The following SCNN1B variants were observed in gnomAD, a reference collection of about 807,000 sequenced individuals.
SCNN1B encodes sodium channel epithelial 1 subunit beta.
In SCNN1B, 46 loss-of-function variants were observed where a neutral mutation model predicts 65.3. That is an observed-to-expected ratio of 0.70 (90% CI 0.56 to 0.90). The LOEUF (loss-of-function observed/expected upper bound fraction) is 0.90. Among genes scored for constraint, SCNN1B ranks in the 40% least tolerant of loss-of-function variants. The probability of loss-of-function intolerance (pLI) is 0.00; values close to 1 mark genes in which losing one functional copy is unlikely to be tolerated. For synonymous variants in SCNN1B, 349 were observed against 330.6 expected (o/e 1.06, Z -0.60); for missense variants, 751 against 830.5 (o/e 0.90, Z 1.18).
intron 1 of SCNN1B, among the ~76,000 whole-genome samples, chr16:23,346,803 G>A (rs780103019): frequency 6.6e-6 from 1 of 151,422 alleles, no homozygotes; most frequent in African/African-American, 2.4e-5. Flanking sequence ...ACCTGGCCAG[G>A]CCTCCGTTTT....
intron 4 of SCNN1B, 117 bp from the exon 5 acceptor site, chr16:23,367,739 G>C: frequency 4.9e-6 from 4 of 818,474 alleles, no homozygotes; most frequent in Non-Finnish European, 6.4e-6. Flanking sequence ...ATGACCTGTT[G>C]CTCGCCTCTC....
chr16:23,369,487 G>T (rs1230042266), intron 5 of SCNN1B, among the ~76,000 whole-genome samples: 2 of 152,118 alleles, frequency 1.3e-5, no homozygotes, highest in Non-Finnish European at 2.9e-5. Flanking sequence ...CTCCCTCGGG[G>T]CTCATGTGTT....
intron 2 of SCNN1B, among the ~76,000 whole-genome samples, chr16:23,349,708 C>G (rs1962268141): frequency 6.6e-6 from 1 of 152,156 alleles, no homozygotes; most frequent in African/African-American, 2.4e-5. Flanking sequence ...GTTAACAAAA[C>G]AGAGTCCCTG....
At chr16:23,324,739 G>C (rs1354203350) in intron 1 of SCNN1B, among the ~76,000 whole-genome samples, 2 of 152,174 alleles carry the variant, frequency 1.3e-5, no homozygotes, top group African/African-American at 4.8e-5. Flanking sequence ...AGGCTTGGCA[G>C]AAACTACCCT....
chr16:23,288,092 G>A (rs1032911678), intron 2 of SCNN1B, among the ~76,000 whole-genome samples: 1 of 152,062 alleles, frequency 6.6e-6, no homozygotes, highest in African/African-American at 2.4e-5. Context: ...GGTTGAGGCT[G>A]CAGTGAGCTG....
intron 1 of SCNN1B, among the ~76,000 whole-genome samples, chr16:23,309,225 A>G (rs1961286351): frequency 6.6e-6 from 1 of 152,102 alleles, no homozygotes; most frequent in Non-Finnish European, 1.5e-5. Context: ...CTATACTTAC[A>G]GCTTCCAGTC....
chr16:23,288,730 G>A (rs1342243330), intron 2 of SCNN1B, among the ~76,000 whole-genome samples: 1 of 152,182 alleles, frequency 6.6e-6, no homozygotes, highest in East Asian at 1.9e-4. Flanking sequence ...GATTGCTTGA[G>A]ATGGGGAGGT....
chr16:23,352,093 T>G (rs560979061), intron 2 of SCNN1B, among the ~76,000 whole-genome samples: 1 of 152,312 alleles, frequency 6.6e-6, no homozygotes, highest in South Asian at 2.1e-4. Flanking sequence ...AAGCTATCAA[T>G]AACCATGAGC....
intron 1 of SCNN1B, among the ~76,000 whole-genome samples, chr16:23,334,945 C>A (rs552087041): frequency 6.6e-6 from 1 of 152,354 alleles, no homozygotes; most frequent in Admixed American, 6.5e-5. Flanking sequence ...ACAGTTTAAT[C>A]TTTGCAAATC....
At position 23,353,199 on chromosome 16, in the gene SCNN1B, G is replaced by A. The variant is rs1409243761; in HGVS notation, c.585+125G>A. Reference sequence around the variant, plus strand: ...CAAGATGGAAGCCAGAGCCTGTTTTGCTTGTTTGCAGAGATTTTTTAAAAA... The same window carrying A: ...CAAGATGGAAGCCAGAGCCTGTTTTACTTGTTTGCAGAGATTTTTTAAAAA... On this transcript the variant is annotated intron_variant, in intron 3 of 12. Transcript: ENST00000343070. 1.7e-4 allele frequency: 202 copies of A among 1,191,750 alleles called. 2 individuals carry two copies. In the South Asian group the frequency reaches 2.0e-3, roughly 12 times the overall value. The allele number at this position is 1,191,750 out of a possible 1,614,324, so 73.8% of individuals were successfully genotyped here.
chr16:23,365,595 A>G (rs867982867), intron 4 of SCNN1B, among the ~76,000 whole-genome samples: 23 of 58,464 alleles, frequency 3.9e-4, no homozygotes, highest in African/African-American at 5.6e-4. Context: ...AAGAGAAAGA[A>G]AGAAAGAAAG....
At chr16:23,316,277 ATCACCACCATCACCATCC>A (rs1407447184) in intron 1 of SCNN1B, among the ~76,000 whole-genome samples, 290 of 150,416 alleles carry the variant, frequency 1.9e-3, no homozygotes, top group African/African-American at 7.0e-3. Flanking sequence ...CATCTTCACC[ATCACCACCATCACCATCC>A]TCACCACCAT....
intron 1 of SCNN1B, among the ~76,000 whole-genome samples, chr16:23,324,415 C>T (rs558936261): frequency 1.3e-4 from 20 of 152,168 alleles, no homozygotes; most frequent in African/African-American, 4.8e-4. Flanking sequence ...ATTGCCCAGG[C>T]TGGTCTGGAA....
chr16:23,347,046 A>G (rs988643285), intron 1 of SCNN1B, among the ~76,000 whole-genome samples: 1 of 152,138 alleles, frequency 6.6e-6, no homozygotes, highest in African/African-American at 2.4e-5. Flanking sequence ...GCAGTGAGCC[A>G]TGATCATGCC....
chr16:23,380,958 C>A lies in SCNN1B; in HGVS notation c.*157C>A, dbSNP rs181213527. The A allele has an allele frequency of 1.3e-6, 1 of 787,132 alleles. No individual in the cohort carries two copies. The highest frequency in any genetic ancestry group is 2.2e-6 in the Non-Finnish European group (1 of 449,886). The allele number at this position is 787,132 out of a possible 1,614,324, so 48.8% of individuals were successfully genotyped here. The stretch of plus-strand genomic sequence containing the variant: ...ACAGAGAGGCCAGCGGCAACTGGTC[C>A]GTTACTGGCCAAGGGCTCTGTAGAA... On this transcript the variant is annotated 3_prime_UTR_variant, in exon 13 of 13. Coordinates refer to ENST00000343070, the MANE Select transcript of SCNN1B (RefSeq NM_000336.3). This position sits in a 1 kb window ranked among gnomAD's most constrained non-coding sequence, Gnocchi z 5.4.
At chr16:23,280,141 C>T (rs138650697) in intron 1 of SCNN1B, among the ~76,000 whole-genome samples, 22 of 152,272 alleles carry the variant, frequency 1.4e-4, no homozygotes, top group Middle Eastern at 3.4e-3. Flanking sequence ...CCCAGCACTC[C>T]GCCAGGGGCT....
intron 1 of SCNN1B, among the ~76,000 whole-genome samples, chr16:23,324,204 T>C (rs913903852): frequency 3.3e-5 from 5 of 151,710 alleles, no homozygotes; most frequent in African/African-American, 1.2e-4. Context: ...TTTTTTTTTT[T>C]TGAGACAGGG....
chr16:23,375,108 G>A (rs1240817172), intron 7 of SCNN1B, among the ~76,000 whole-genome samples: 1 of 152,130 alleles, frequency 6.6e-6, no homozygotes, highest in South Asian at 2.1e-4. Flanking sequence ...CCAGTATGTT[G>A]GGGCCGAGTG....
At chr16:23,375,962 T>C (rs1962885703) in intron 8 of SCNN1B, 107 bp downstream of exon 8, 3 of 803,274 alleles carry the variant, frequency 3.7e-6, no homozygotes, top group Non-Finnish European at 6.5e-6. Context: ...TCCAGAGATG[T>C]GCCCAGGGTG....
Sources: gnomAD v4.1 joint callset for allele counts (sites outside exome capture counted in the v4.1 genomes callset) on GRCh38, gnomAD v4.1.1 for gene constraint, Gnocchi (gnomAD v3.1) non-coding constraint, MANE v1.5 for transcripts, NCBI Gene and HGNC (gene_info 2026-07-23, HGNC 2026-07-21) for gene names.